ROBO1: variants seen among roughly 807,000 people sequenced by gnomAD.
ROBO1 encodes roundabout guidance receptor 1.
ROBO1 carries 149 observed loss-of-function variants against 195.9 expected under a neutral mutation model. The ratio of observed to expected loss-of-function variants is 0.76; its 90% CI spans 0.67 to 0.87. The LOEUF (loss-of-function observed/expected upper bound fraction) is 0.87. Among genes scored for constraint, ROBO1 ranks in the 40% least tolerant of loss-of-function variants. The pLI is 0.00. For synonymous variants in ROBO1, 816 were observed against 733.2 expected, an observed-to-expected ratio of 1.11 and a Z score of -1.82; for missense variants, 1,933 against 2,068.3, an observed-to-expected ratio of 0.93 and a Z score of 1.27.
At position 79,492,427 on chromosome 3, in the gene ROBO1, GAA is replaced by G. The variant is rs57495210; in HGVS notation, c.88+97395_88+97396del. 8.1e-4 allele frequency among the ~76,000 whole-genome samples: 89 copies of G among 109,538 alleles called. 1 individual carries two copies. The highest frequency in any genetic ancestry group is 3.0e-3 in the South Asian group (10 of 3,322). The allele number at this position is 109,538 out of a possible 152,430, so 71.9% of individuals were successfully genotyped here. A position where few individuals can be genotyped will look rare whatever the true frequency, so the allele number is the denominator to read the frequency against. ...GCAATAAGAGTGAGACTCTGTTTCA[GAA>G]AAAAAAAAAAAAAAAAAGAGACTGT... On this transcript the variant is annotated intron_variant, in intron 2 of 30. Coordinates refer to ENST00000464233, the MANE Select transcript of ROBO1 (RefSeq NM_002941.4).
chr3:79,286,753 A>G (rs1425407390), intron 2 of ROBO1, among the ~76,000 whole-genome samples: 1 of 152,204 alleles, frequency 6.6e-6, no homozygotes, highest in Non-Finnish European at 1.5e-5. Flanking sequence ...GTATATATAA[A>G]ATAACTGGAA....
intron 1 of ROBO1, among the ~76,000 whole-genome samples, chr3:79,737,808 C>T (rs1262219134): frequency 6.6e-6 from 1 of 152,174 alleles, no homozygotes; most frequent in African/African-American, 2.4e-5. Flanking sequence ...TGATGAATGC[C>T]ATAAGGAATA....
chr3:79,488,835 A>T (rs1324437045), intron 2 of ROBO1, among the ~76,000 whole-genome samples: 1 of 152,186 alleles, frequency 6.6e-6, no homozygotes, highest in African/African-American at 2.4e-5. Context: ...GTCTACATGT[A>T]TGTGTAAAGT....
chr3:79,699,137 T>C (rs1947535589), intron 1 of ROBO1, among the ~76,000 whole-genome samples: 1 of 150,800 alleles, frequency 6.6e-6, no homozygotes, highest in Non-Finnish European at 1.5e-5. Context: ...GATGTAACCA[T>C]CTAAAATAAA....
intron 2 of ROBO1, among the ~76,000 whole-genome samples, chr3:79,504,718 C>G (rs1223769136): frequency 1.3e-5 from 2 of 152,270 alleles, no homozygotes; most frequent in South Asian, 4.1e-4. Flanking sequence ...GTATTTCATG[C>G]TATCTCCCCA....
At chr3:79,631,157 C>T (rs893983008) in intron 1 of ROBO1, among the ~76,000 whole-genome samples, 1 of 145,520 alleles carries the variant, frequency 6.9e-6, no homozygotes, top group Non-Finnish European at 1.5e-5. Flanking sequence ...TTCTAAAATT[C>T]ATATGGAACA....
At chr3:79,652,715 G>A (rs1052829628) in intron 1 of ROBO1, among the ~76,000 whole-genome samples, 5 of 151,914 alleles carry the variant, frequency 3.3e-5, no homozygotes, top group African/African-American at 7.2e-5. Context: ...TAGTAGTAGT[G>A]TATTGGAATG....
chr3:79,492,087 T>C (rs1379528414), intron 2 of ROBO1, among the ~76,000 whole-genome samples: 1 of 152,034 alleles, frequency 6.6e-6, no homozygotes, highest in East Asian at 1.9e-4. Flanking sequence ...GGACTAAGAA[T>C]TGGAGAGCCC....
At chr3:78,725,420 T>G (rs1370684501) in intron 5 of ROBO1, among the ~76,000 whole-genome samples, 4 of 152,198 alleles carry the variant, frequency 2.6e-5, no homozygotes, top group Non-Finnish European at 5.9e-5. Context: ...ATTCTTGATG[T>G]GTTTAATACA....
chr3:79,301,989 TTGTC>T (rs1296556582), intron 2 of ROBO1, among the ~76,000 whole-genome samples: 1 of 152,206 alleles, frequency 6.6e-6, no homozygotes, highest in Non-Finnish European at 1.5e-5. Context: ...AGCTACAATA[TTGTC>T]TTTGTATAAG....
intron 26 of ROBO1, 141 bp from the exon 27 acceptor site, chr3:78,618,182 C>T: frequency 1.2e-6 from 1 of 854,114 alleles, no homozygotes; most frequent in Non-Finnish European, 1.7e-6. Context: ...AACTGAATAT[C>T]ACAATATATT....
In ROBO1 at chr3:78,832,756, A is replaced by G. The variant is rs146761277; in HGVS notation, c.500-85856T>C. Among the ~76,000 whole-genome samples the G allele has an allele frequency of 1.8e-3, 280 of 152,254 alleles. 1 individual carries two copies. Among genetic ancestry groups the G allele is most frequent in the African/African-American group, 6.5e-3 (269 of 41,550 alleles). On this transcript the variant is annotated intron_variant, in intron 4 of 30. Coordinates refer to ENST00000464233, the MANE Select transcript of ROBO1 (RefSeq NM_002941.4). ...CTAGGTTGGTAGAAAAAACTAGGCTAGGTAGGAAGAACACCTTAGAGGTAC... is the reference window on the plus strand; with the variant it reads ...CTAGGTTGGTAGAAAAAACTAGGCTGGGTAGGAAGAACACCTTAGAGGTAC...
rs1344030602 is a variant in ROBO1, at chr3:78,670,298, A to G, written c.1346T>C (p.Ile449Thr). The stretch of plus-strand genomic sequence containing the variant: ...AATAACTGGGGGAGGCCGATCTGCA[A>G]TCACTGCCAGAAGAAACAACAGGAA... Reference protein sequence around the residue: ...TKAYLEVTDVIADRPPPVIRQ... With the variant: ...TKAYLEVTDVTADRPPPVIRQ... The change falls in exon 11 of 31, where the codon ATT becomes ACT. Residue 449 changes from isoleucine to threonine, a missense_variant. Coordinates refer to ENST00000464233, the MANE Select transcript of ROBO1 (RefSeq NM_002941.4). 6.4e-7 allele frequency: 1 copy of G among 1,557,792 alleles called. No individual in the cohort carries two copies. The highest frequency in any genetic ancestry group is 1.9e-5 in the Admixed American group (1 of 51,482).
At chr3:79,718,742 T>G (rs1702586865) in intron 1 of ROBO1, among the ~76,000 whole-genome samples, 1 of 152,052 alleles carries the variant, frequency 6.6e-6, no homozygotes, top group African/African-American at 2.4e-5. Context: ...TTTAAAGATA[T>G]TCTTATTAAG....
At chr3:78,602,606 G>T (rs1018171634) in intron 29 of ROBO1, among the ~76,000 whole-genome samples, 1 of 152,150 alleles carries the variant, frequency 6.6e-6, no homozygotes, top group African/African-American at 2.4e-5. Flanking sequence ...ATAAGGGGAG[G>T]TATTTTGTAT....
At chr3:79,432,232 C>A (rs371327415) in intron 2 of ROBO1, among the ~76,000 whole-genome samples, 5 of 152,014 alleles carry the variant, frequency 3.3e-5, no homozygotes, top group African/African-American at 1.2e-4. Context: ...CAAGACAAGA[C>A]CCAGGTATAA....
At chr3:79,108,761 T>C (rs1206921503) in intron 3 of ROBO1, among the ~76,000 whole-genome samples, 2 of 151,862 alleles carry the variant, frequency 1.3e-5, no homozygotes, top group African/African-American at 4.8e-5. Context: ...TTAATGAGGA[T>C]TTCTGTGGCA....
chr3:78,784,105 T>C (rs2083761206), intron 4 of ROBO1, among the ~76,000 whole-genome samples: 1 of 152,130 alleles, frequency 6.6e-6, no homozygotes, highest in South Asian at 2.1e-4. Flanking sequence ...TGCTACCTTA[T>C]AGAGGTAAGC....
intron 4 of ROBO1, among the ~76,000 whole-genome samples, chr3:78,883,161 A>C (rs2036286403): frequency 6.6e-6 from 1 of 151,994 alleles, no homozygotes; most frequent in South Asian, 2.1e-4. Flanking sequence ...AAGCACTGAG[A>C]CAAGTCGTTG....
Sources: allele counts gnomAD v4.1 joint callset (sites outside exome capture counted in the v4.1 genomes callset), GRCh38; gene constraint gnomAD v4.1.1; transcripts MANE v1.5; gene names NCBI Gene and HGNC (gene_info 2026-07-23, HGNC 2026-07-21).